Variants in HNRNPH1 observed in about 807,000 individuals in gnomAD.
HNRNPH1 encodes heterogeneous nuclear ribonucleoprotein H.
A neutral mutation model predicts 58.6 loss-of-function variants in HNRNPH1; 4 were observed. That is an observed-to-expected ratio of 0.07 (90% CI 0.03 to 0.16). HNRNPH1 has a LOEUF of 0.16. HNRNPH1 is among the 10% of genes least tolerant of loss of function. The pLI is 1.00. For missense variants in HNRNPH1, 271 were observed against 564.2 expected (o/e 0.48, Z 5.26); for synonymous variants, 192 against 189.2 (o/e 1.01, Z -0.12).
chr5:179,622,717 G>GA lies in HNRNPH1; in HGVS notation c.97+319dup, dbSNP rs577878701. On this transcript the variant is annotated intron_variant, in intron 1 of 12. Coordinates refer to ENST00000356731, the Ensembl canonical transcript of HNRNPH1. ...CAGAGACTCCAACTCAAAAGAAAAAGAAAAAAAGACACCCATAAAAGAAAA... is the reference window on the plus strand; with the variant it reads ...CAGAGACTCCAACTCAAAAGAAAAAGAAAAAAAAGACACCCATAAAAGAAAA... The GA allele has an allele frequency of 3.7e-4, 57 of 152,056 alleles. 2 individuals carry two copies. The South Asian group carries it at 0.012, about 31-fold the overall frequency. 9.4% of individuals were successfully genotyped at this position (152,056 alleles called of 1,614,324 possible).
At chr5:179,621,850 G>A (rs2127683775) in intron 1 of HNRNPH1, 3 of 438,204 alleles carry the variant, frequency 6.8e-6, no homozygotes, top group South Asian at 3.2e-5. Context: ...CACCTGAAAG[G>A]GGATCAGTGT....
rs769029743 is a variant in HNRNPH1, at chr5:179,615,532, G to C, written c.*14C>G. The C allele has an allele frequency of 7.9e-6, 11 of 1,386,300 alleles. No individual in the cohort carries two copies. Among genetic ancestry groups the C allele is most frequent in the Admixed American group, 3.6e-5 (2 of 55,028 alleles). 85.9% of individuals were successfully genotyped at this position (1,386,300 alleles called of 1,614,324 possible). A position where few individuals can be genotyped will look rare whatever the true frequency, so the allele number is the denominator to read the frequency against. ...TTGCTATTGGGAATTTATATTTTTTGAGAAAATATTTACCTATGCAATGTT... is the reference window on the plus strand; with the variant it reads ...TTGCTATTGGGAATTTATATTTTTTCAGAAAATATTTACCTATGCAATGTT... On this transcript the variant is annotated intron_variant, in intron 12 of 12. Transcript: ENST00000356731.
rs1344080678 is a variant in HNRNPH1, at chr5:179,617,524, T to C, written c.1047A>G (p.Lys349=). The change falls in exon 8 of 13, where the codon AAA becomes AAG. Residue 349 remains lysine (K), a synonymous_variant. Transcript: ENST00000356731. ...CTCAATCACACTTACGCATATTTGC[T>C]TTGTCTTTTGACATAGCTGCCACAG... The C allele has an allele frequency of 3.1e-6, 5 of 1,613,712 alleles. No individual in the cohort carries two copies. In the South Asian group the frequency reaches 5.5e-5, roughly 18 times the overall value.
intron 8 of HNRNPH1, 182 bp from the exon 10 acceptor site, chr5:179,617,292 TATTGTCA>T: frequency 1.4e-6 from 1 of 724,826 alleles, no homozygotes; most frequent in Non-Finnish European, 2.3e-6. Flanking sequence ...TATTCATCTG[TATTGTCA>T]ATTAAGGATA....
chr5:179,625,951 A>ATTTTTTTTTTT (rs1381471661), upstream of HNRNPH1, among the ~76,000 whole-genome samples: 1 of 149,788 alleles, frequency 6.7e-6, no homozygotes, highest in Admixed American at 6.7e-5. Flanking sequence ...TTATTTATTT[A>ATTTTTTTTTTT]TTTATTTATT....
At chr5:179,615,947 G>A (rs755219151) in intron 11 of HNRNPH1, 179 bp downstream of exon 12, 16 of 581,054 alleles carry the variant, frequency 2.8e-5, no homozygotes, top group Non-Finnish European at 4.6e-5. Flanking sequence ...CATTTGGATT[G>A]AAAGCATACA....
chr5:179,620,699 C>T lies in HNRNPH1; in HGVS notation c.397+193G>A, dbSNP rs1771931678. ...TAATACTAAATATAGGCAAAGTTAA[C>T]ATTTTGGAAGTACTTCATTTCCACC... On this transcript the variant is annotated intron_variant, in intron 3 of 12. Transcript: ENST00000356731. 5.2e-6 allele frequency: 3 copies of T among 574,540 alleles called. No homozygotes were observed. In the South Asian group the frequency reaches 6.7e-5, roughly 13 times the overall value. The allele number at this position is 574,540 out of a possible 1,614,324, so 35.6% of individuals were successfully genotyped here.
chr5:179,615,903 A>G (rs1581631322), intron 11 of HNRNPH1: 1 of 531,920 alleles, frequency 1.9e-6, no homozygotes, highest in East Asian at 3.0e-5. Context: ...CCTCCCAATG[A>G]TTGTTTCTGA....
At chr5:179,618,989 A>T in intron 4 of HNRNPH1, 1 of 234,284 alleles carries the variant, frequency 4.3e-6, no homozygotes, top group Non-Finnish European at 8.2e-6. Flanking sequence ...AGCTAAAGCC[A>T]GGTTTGCATT....
At chr5:179,622,339 C>T (rs1772852284) in intron 1 of HNRNPH1, among the ~76,000 whole-genome samples, 1 of 152,214 alleles carries the variant, frequency 6.6e-6, no homozygotes, top group Non-Finnish European at 1.5e-5. Flanking sequence ...CAAAACATTA[C>T]TATTATTTGT....
intron 10 of HNRNPH1, chr5:179,616,655 C>A (rs1246416447): frequency 3.5e-6 from 2 of 579,402 alleles, no homozygotes; most frequent in South Asian, 4.6e-5. Flanking sequence ...GTCCCCTCCC[C>A]CAAGACTACT....
chr5:179,628,496 G>A (rs1278961440), upstream of HNRNPH1, among the ~76,000 whole-genome samples: 1 of 152,084 alleles, frequency 6.6e-6, no homozygotes, highest in East Asian at 1.9e-4. Flanking sequence ...TGGGTTTACA[G>A]GTGCCTGCCA....
intron 1 of HNRNPH1, chr5:179,621,707 A>C (rs1772439457): frequency 7.2e-6 from 3 of 419,284 alleles, no homozygotes; most frequent in South Asian, 6.4e-5. Context: ...AAGATTATCA[A>C]GCCTGGACTG....
chr5:179,616,975 G>A lies in HNRNPH1; in HGVS notation c.1118-17C>T, dbSNP rs564473403. ...ATCTGTGTTCTGAAATGAGAGAAAA[G>A]GCATACAAGGTTAGCTTAAAAAAAA... On this transcript the variant is annotated splice_polypyrimidine_tract_variant and intron_variant, in intron 9 of 12. Coordinates refer to ENST00000356731, the Ensembl canonical transcript of HNRNPH1. 2.2e-5 allele frequency: 35 copies of A among 1,555,998 alleles called. 1 individual carries two copies. In the Middle Eastern group the frequency reaches 5.1e-4, roughly 23 times the overall value.
upstream of HNRNPH1, among the ~76,000 whole-genome samples, chr5:179,629,635 G>A (rs1774678191): frequency 6.6e-6 from 1 of 152,040 alleles, no homozygotes. Context: ...TAAAATTGAT[G>A]ATATTTTAGA....
At chr5:179,626,839 G>A (rs532359792), upstream of HNRNPH1, among the ~76,000 whole-genome samples, 7 of 147,334 alleles carry the variant, frequency 4.8e-5, no homozygotes, top group East Asian at 1.5e-3. Flanking sequence ...ACAATGGCGC[G>A]ATCTCCGCTC....
At chr5:179,620,979 T>G in exon 3 of HNRNPH1, 1 of 1,614,058 alleles carries the variant, frequency 6.2e-7, no homozygotes, top group Middle Eastern at 1.6e-4. Flanking sequence ...GTGTCAGGAC[T>G]ATTTGGACCA....
At chr5:179,616,295 T>C (rs564368886) in intron 10 of HNRNPH1, 77 bp from the exon 12 acceptor site, 218 of 1,126,950 alleles carry the variant, frequency 1.9e-4, no homozygotes, top group Non-Finnish European at 2.2e-4. Flanking sequence ...TGTAATTCTA[T>C]AGCTATCATT....
intron 1 of HNRNPH1, 167 bp from the exon 3 acceptor site, chr5:179,621,564 C>A (rs555287806): frequency 6.7e-5 from 40 of 596,862 alleles, no homozygotes; most frequent in African/African-American, 4.3e-4. Flanking sequence ...TAAAAAAAAA[C>A]AAACTCATTC....
Sources: allele counts gnomAD v4.1 joint callset (sites outside exome capture counted in the v4.1 genomes callset), GRCh38; gene constraint gnomAD v4.1.1; transcripts MANE v1.5; gene names NCBI Gene and HGNC (gene_info 2026-07-23, HGNC 2026-07-21).